Variants in VAV1 observed in about 807,000 individuals in gnomAD.
The protein encoded by VAV1 is proto-oncogene vav.
A neutral mutation model predicts 128.1 loss-of-function variants in VAV1; 33 were observed. That is an observed-to-expected ratio of 0.26 (90% CI 0.20 to 0.34). The LOEUF (loss-of-function observed/expected upper bound fraction) is 0.34. Among genes scored for constraint, VAV1 ranks in the 10% least tolerant of loss-of-function variants. The pLI, the probability that VAV1 is intolerant of heterozygous loss-of-function variation, is 1.00. For synonymous variants in VAV1, 394 were observed against 409.8 expected (o/e 0.96, Z 0.47); for missense variants, 715 against 1,093.7 (o/e 0.65, Z 4.88).
intron 1 of VAV1, among the ~76,000 whole-genome samples, chr19:6,815,445 C>G (rs966350370): frequency 6.6e-6 from 1 of 152,098 alleles, no homozygotes; most frequent in Non-Finnish European, 1.5e-5. Flanking sequence ...ACCCATCATA[C>G]AGTTGTTTCT....
At chr19:6,849,925 A>C (rs372459204) in intron 23 of VAV1, among the ~76,000 whole-genome samples, 1 of 152,064 alleles carries the variant, frequency 6.6e-6, no homozygotes, top group Non-Finnish European at 1.5e-5. Context: ...TGGTAGCACA[A>C]TTACTTTTTC....
At chr19:6,796,321 C>T (rs1009061198) in intron 1 of VAV1, among the ~76,000 whole-genome samples, 4 of 149,912 alleles carry the variant, frequency 2.7e-5, no homozygotes, top group South Asian at 4.2e-4. Context: ...ATAGGGACCC[C>T]GGGAGATATG....
chr19:6,833,669 G>C, intron 17 of VAV1, 42 bp from the exon 18 acceptor site: 1 of 1,614,124 alleles, frequency 6.2e-7, no homozygotes, highest in Non-Finnish European at 8.5e-7. Context: ...GGTTCTCTTT[G>C]GAGGATTTCC....
Position 6,836,505 on chromosome 19 carries a change from A to G in VAV1, c.1851A>G (p.Leu617=). 1.2e-6 allele frequency: 2 copies of G among 1,613,944 alleles called. No homozygotes were observed. Among genetic ancestry groups the G allele is most frequent in the Non-Finnish European group, 8.5e-7 (1 of 1,179,994 alleles). Residue 617 remains leucine, a synonymous_variant, in exon 20 of 27, where the codon CTA becomes CTG. Coordinates refer to ENST00000602142, the MANE Select transcript of VAV1 (RefSeq NM_005428.4). ...CCCCTGGAGCCATTGGACCCTTTCT[A>G]CGGCTCAACCCTGGAGACATTGTGG... ...PPPPGAIGPF[L]RLNPGDIVEL...
intron 1 of VAV1, among the ~76,000 whole-genome samples, chr19:6,773,675 T>G (rs1970552160): frequency 6.6e-6 from 1 of 152,066 alleles, no homozygotes; most frequent in Admixed American, 6.5e-5. Context: ...AGAGCTGCAT[T>G]TTCTCGGCAG....
At chr19:6,846,754 G>T (rs1972531468) in intron 22 of VAV1, among the ~76,000 whole-genome samples, 2 of 144,808 alleles carry the variant, frequency 1.4e-5, no homozygotes, top group Non-Finnish European at 3.0e-5. Flanking sequence ...TATATTATAG[G>T]GTTATATATA....
chr19:6,844,063 C>CT lies in VAV1; in HGVS notation c.2012+938dup, dbSNP rs71177123. On this transcript the variant is annotated intron_variant, in intron 22 of 26. Transcript: ENST00000602142. ...ACTTTCTTCTTTTCTTCTTCTTCTT[C>CT]TTTTTTTTTTTTTTTTTTTTTTTTT... 5.6e-4 allele frequency among the ~76,000 whole-genome samples: 12 copies of CT among 21,326 alleles called. 3 individuals carry two copies. Among genetic ancestry groups the CT allele is most frequent in the African/African-American group, 1.2e-3 (10 of 8,152 alleles). 14.0% of individuals were successfully genotyped at this position (21,326 alleles called of 152,430 possible). A position where few individuals can be genotyped will look rare whatever the true frequency, so the allele number is the denominator to read the frequency against.
At chr19:6,786,459 C>T (rs952654759) in intron 1 of VAV1, among the ~76,000 whole-genome samples, 4 of 151,826 alleles carry the variant, frequency 2.6e-5, no homozygotes, top group African/African-American at 9.7e-5. Flanking sequence ...AAGCCCGTCC[C>T]TGTAAAATAA....
At chr19:6,776,353 T>TATCCATCCATCC (rs371099055) in intron 1 of VAV1, among the ~76,000 whole-genome samples, 1,153 of 72,698 alleles carry the variant, frequency 0.016, 30 homozygotes, top group South Asian at 0.06. Context: ...TCCACTCATC[T>TATCCATCCATCC]ATCCATCCAT....
chr19:6,807,712 A>T (rs114425895), intron 1 of VAV1, among the ~76,000 whole-genome samples: 2,689 of 151,848 alleles, frequency 0.018, 78 homozygotes, highest in African/African-American at 0.061. Context: ...CCTGTCTTTT[A>T]AAAAAAAGTT....
intron 6 of VAV1, among the ~76,000 whole-genome samples, chr19:6,824,542 TC>T (rs1389645767): frequency 1.3e-5 from 2 of 152,102 alleles, no homozygotes; most frequent in Non-Finnish European, 2.9e-5. Context: ...ATTTTTTTTT[TC>T]TTTTTTGAGA....
Position 6,828,614 on chromosome 19 carries a change from C to T in VAV1, c.1093-8C>T, listed in dbSNP as rs762880431. The T allele has an allele frequency of 3.1e-6, 5 of 1,613,856 alleles. No homozygotes were observed. In the East Asian group the frequency reaches 8.9e-5, roughly 29 times the overall value. On this transcript the variant is annotated splice_polypyrimidine_tract_variant and splice_region_variant and intron_variant, in intron 11 of 26. Transcript: ENST00000602142. This position sits in a 1 kb window ranked among gnomAD's most constrained non-coding sequence, Gnocchi z 4.5. ...GGGGGGCCAGGTTCACCCCTGCCCC[C>T]TCCCCAGGACCTGGCTCAGTGCGTG... is the stretch of plus-strand genomic sequence containing the variant.
chr19:6,832,974 C>T (rs997067576), intron 15 of VAV1, among the ~76,000 whole-genome samples: 3 of 152,178 alleles, frequency 2.0e-5, no homozygotes, highest in Admixed American at 2.0e-4. Context: ...CTCGCAGCCC[C>T]TGGAAACTCC....
intron 1 of VAV1, among the ~76,000 whole-genome samples, chr19:6,791,448 C>G (rs928927850): frequency 1.5e-4 from 23 of 151,824 alleles, no homozygotes; most frequent in Non-Finnish European, 4.4e-5. Context: ...GGTCCTTGAG[C>G]TAGCTCCTTA....
At chr19:6,790,891 TA>T (rs1448396233) in intron 1 of VAV1, among the ~76,000 whole-genome samples, 1 of 152,212 alleles carries the variant, frequency 6.6e-6, no homozygotes, top group African/African-American at 2.4e-5. Flanking sequence ...ATGGCAATGG[TA>T]AACTGACATA....
chr19:6,849,862 T>C (rs1195235605), intron 23 of VAV1, among the ~76,000 whole-genome samples: 2 of 152,170 alleles, frequency 1.3e-5, no homozygotes, highest in African/African-American at 4.8e-5. Context: ...TCGATCCATG[T>C]CTTTGCTATT....
intron 22 of VAV1, among the ~76,000 whole-genome samples, chr19:6,843,522 T>C (rs926158795): frequency 6.6e-6 from 1 of 152,174 alleles, no homozygotes; most frequent in Non-Finnish European, 1.5e-5. Context: ...ATGTCAAGCA[T>C]ATAGGGGTGG....
At position 6,821,615 on chromosome 19, in the gene VAV1, G is replaced by A. The variant is rs761453356; in HGVS notation, c.322-7G>A. On this transcript the variant is annotated splice_region_variant and splice_polypyrimidine_tract_variant and intron_variant, in intron 2 of 26. Transcript: ENST00000602142. ...GGGCTCACTGAGTGGCCACTGCCCC[G>A]TCACAGGTCATCTACACCCTGTCTG... is the stretch of plus-strand genomic sequence containing the variant. 10 of 1,614,060 alleles carry A rather than the reference G, an allele frequency of 6.2e-6. No individual in the cohort carries two copies. Among genetic ancestry groups the A allele is most frequent in the East Asian group, 2.2e-5 (1 of 44,866 alleles).
intron 1 of VAV1, among the ~76,000 whole-genome samples, chr19:6,788,392 A>G (rs898375538): frequency 2.7e-5 from 4 of 147,520 alleles, no homozygotes; most frequent in Non-Finnish European, 4.5e-5. Flanking sequence ...TATTATTTTG[A>G]GACTGAGTCT....
Sources: allele counts gnomAD v4.1 joint callset (sites outside exome capture counted in the v4.1 genomes callset), GRCh38; gene constraint gnomAD v4.1.1; non-coding constraint Gnocchi (gnomAD v3.1); transcripts MANE v1.5; gene names NCBI Gene and HGNC (gene_info 2026-07-23, HGNC 2026-07-21).